CWC22: variants seen among roughly 807,000 people sequenced by gnomAD.
The protein encoded by CWC22 is CWC22 spliceosome associated protein.
In CWC22, 53 loss-of-function variants were observed where a neutral mutation model predicts 117.2. The ratio of observed to expected loss-of-function variants is 0.45; its 90% CI spans 0.36 to 0.57. The LOEUF (loss-of-function observed/expected upper bound fraction) is 0.57, where lower values mean the gene tolerates loss of function less well. Among genes scored for constraint, CWC22 ranks in the 20% least tolerant of loss-of-function variants. CWC22 has a pLI of 0.00. For missense variants in CWC22, 980 were observed against 1,068.8 expected (o/e 0.92, Z 1.16); for synonymous variants, 360 against 355.6 (o/e 1.01, Z -0.14).
At chr2:179,993,155 T>C (rs1480681838) in intron 2 of CWC22, among the ~76,000 whole-genome samples, 160 bp downstream of exon 2, 4 of 152,256 alleles carry the variant, frequency 2.6e-5, no homozygotes, top group Non-Finnish European at 5.9e-5. Flanking sequence ...ACAGTAATTG[T>C]GGTTTTTAAA....
At position 179,993,355 on chromosome 2, in the gene CWC22, T is replaced by G. The variant is rs1687618136; in HGVS notation, c.-14A>C. 7 of 1,560,906 alleles carry G rather than the reference T, an allele frequency of 4.5e-6. No individual in the cohort carries two copies. The East Asian group carries it at 1.6e-4, about 36-fold the overall frequency. Reference sequence around the variant, plus strand: ...ACTACTTTTCATTTTCTGTTGCCAGTTGGTCCAATAAATCAAAGATGCTTC... The same window carrying G: ...ACTACTTTTCATTTTCTGTTGCCAGGTGGTCCAATAAATCAAAGATGCTTC... On this transcript the variant is annotated 5_prime_UTR_variant, in exon 2 of 20. Transcript: ENST00000410053.
intron 8 of CWC22, among the ~76,000 whole-genome samples, chr2:179,971,577 T>A (rs772281410): frequency 2.0e-5 from 3 of 152,132 alleles, no homozygotes; most frequent in Admixed American, 6.5e-5. Context: ...ACTAATTTTA[T>A]CACAAAATAT....
intron 1 of CWC22, among the ~76,000 whole-genome samples, chr2:180,004,698 TC>T (rs1210824938): frequency 9.6e-4 from 27 of 28,150 alleles, no homozygotes; most frequent in Admixed American, 5.5e-3. Context: ...CTCGCCCCCC[TC>T]CCCCCCAGGA....
chr2:179,995,583 G>A (rs1279575330), intron 1 of CWC22, among the ~76,000 whole-genome samples: 1 of 152,158 alleles, frequency 6.6e-6, no homozygotes, highest in Non-Finnish European at 1.5e-5. Flanking sequence ...TTTTAAAACG[G>A]TAACTGAACT....
Position 179,993,369 on chromosome 2 carries a change from C to A in CWC22, c.-28G>T, listed in dbSNP as rs542753752. 2 of 1,543,910 alleles carry A rather than the reference C, an allele frequency of 1.3e-6. No individual in the cohort carries two copies. The highest frequency in any genetic ancestry group is 1.2e-5 in the South Asian group (1 of 84,472). ...TCTGTTGCCAGTTGGTCCAATAAAT[C>A]AAAGATGCTTCAAACTGGTCCAAAT... On this transcript the variant is annotated 5_prime_UTR_variant, in exon 2 of 20. An upstream open reading frame in the 5' UTR loses its in-frame stop. Transcript: ENST00000410053.
At position 179,972,490 on chromosome 2, in the gene CWC22, T is replaced by A. The variant is rs530919220; in HGVS notation, c.804+703A>T. ...AAAATATATGACTATACCTGTGTGG[T>A]TGCAAGGAATAGAGGTTTTTGTAGA... On this transcript the variant is annotated intron_variant, in intron 8 of 19. Transcript: ENST00000410053. Among the ~76,000 whole-genome samples, 21 of 152,254 alleles carry A rather than the reference T, an allele frequency of 1.4e-4. No individual in the cohort carries two copies. The South Asian group carries it at 3.9e-3, about 29-fold the overall frequency.
chr2:179,982,033 AT>A, intron 4 of CWC22, 36 bp from the exon 5 acceptor site: 1 of 1,148,568 alleles, frequency 8.7e-7, no homozygotes, highest in Non-Finnish European at 1.3e-6. Flanking sequence ...AGAAAAGACA[AT>A]ATAAAACACA....
At chr2:179,978,351 C>T (rs971326462) in intron 5 of CWC22, 33 bp from the exon 6 acceptor site, 16 of 1,415,966 alleles carry the variant, frequency 1.1e-5, no homozygotes, top group Non-Finnish European at 1.5e-5. Flanking sequence ...AAGATTAAAA[C>T]TTAATTACAA....
intron 6 of CWC22, among the ~76,000 whole-genome samples, chr2:179,977,896 A>T (rs1687190701): frequency 6.6e-6 from 1 of 152,176 alleles, no homozygotes; most frequent in Non-Finnish European, 1.5e-5. Flanking sequence ...ATATTTTAAC[A>T]TTCGTTATTC....
intron 1 of CWC22, among the ~76,000 whole-genome samples, chr2:180,005,755 T>C (rs992577721): frequency 6.6e-6 from 1 of 152,232 alleles, no homozygotes; most frequent in Admixed American, 6.5e-5. Flanking sequence ...ATCTGCATTA[T>C]TTTTCTTTAT....
chr2:180,001,298 A>G (rs966006881), intron 1 of CWC22, among the ~76,000 whole-genome samples: 1 of 151,962 alleles, frequency 6.6e-6, no homozygotes, highest in African/African-American at 2.4e-5. Context: ...TGTGATATGT[A>G]AGTTCACACT....
chr2:179,986,624 A>G (rs1356908268), intron 4 of CWC22, 71 bp downstream of exon 4: 3 of 860,658 alleles, frequency 3.5e-6, no homozygotes, highest in Non-Finnish European at 5.4e-6. Flanking sequence ...TTTTGTTTTT[A>G]TTACAAATGT....
intron 1 of CWC22, among the ~76,000 whole-genome samples, chr2:180,003,339 T>A (rs1687891158): frequency 6.6e-6 from 1 of 152,220 alleles, no homozygotes; most frequent in Non-Finnish European, 1.5e-5. Context: ...GCAGTTCTTT[T>A]AACTTACAAA....
intron 11 of CWC22, 107 bp downstream of exon 11, chr2:179,970,394 A>G (rs983051683): frequency 3.3e-5 from 37 of 1,121,330 alleles, no homozygotes; most frequent in African/African-American, 1.7e-4. Flanking sequence ...TTATAAGAGC[A>G]GCGATTCATT....
chr2:179,963,545 T>C (rs1229005776), intron 13 of CWC22, among the ~76,000 whole-genome samples: 1 of 151,384 alleles, frequency 6.6e-6, no homozygotes, highest in East Asian at 1.9e-4. Flanking sequence ...GGTTTCACCG[T>C]GTTAGCCAGG....
Position 179,955,041 on chromosome 2 carries a change from G to A in CWC22, c.1459-7C>T. ...TCATGTTGCAGAGTTCTTTCTATTT[G>A]GGAAAAAAAATACATTAATGATTCA... On this transcript the variant is annotated splice_region_variant and splice_polypyrimidine_tract_variant and intron_variant, in intron 14 of 19. Coordinates refer to ENST00000410053, the MANE Select transcript of CWC22 (RefSeq NM_020943.3). 1.9e-6 allele frequency: 3 copies of A among 1,574,500 alleles called. No individual in the cohort carries two copies. The highest frequency in any genetic ancestry group is 1.7e-6 in the Non-Finnish European group (2 of 1,154,458).
chr2:179,951,837 A>G (rs1686456754), intron 17 of CWC22, among the ~76,000 whole-genome samples: 1 of 152,074 alleles, frequency 6.6e-6, no homozygotes, highest in Non-Finnish European at 1.5e-5. Context: ...AGGAAGTGAG[A>G]AGAAAGTATG....
At position 179,952,365 on chromosome 2, in the gene CWC22, AG is replaced by A. The variant is rs908989896; in HGVS notation, c.1817+105del. ...GTGATTAATGGATGAAGAAAGTCTC[AG>A]GGGGCTTAGCTCTTGTTTTTACAGT... On this transcript the variant is annotated intron_variant, in intron 17 of 19. Transcript: ENST00000410053. 1.5e-5 allele frequency: 10 copies of A among 670,548 alleles called. No homozygotes were observed. In the African/African-American group the frequency reaches 1.9e-4, roughly 13 times the overall value. The allele number at this position is 670,548 out of a possible 1,614,324, so 41.5% of individuals were successfully genotyped here.
intron 5 of CWC22, 94 bp downstream of exon 5, chr2:179,981,658 G>T: frequency 1.9e-6 from 2 of 1,055,196 alleles, no homozygotes; most frequent in Non-Finnish European, 2.8e-6. Flanking sequence ...ATAGACTAAC[G>T]TAAATTCTCA....
Sources: gnomAD v4.1 joint callset for allele counts (sites outside exome capture counted in the v4.1 genomes callset) on GRCh38, gnomAD v4.1.1 for gene constraint, MANE v1.5 for transcripts, NCBI Gene and HGNC (gene_info 2026-07-23, HGNC 2026-07-21) for gene names.